NEK1: variants seen among roughly 807,000 people sequenced by gnomAD.
NEK1 encodes serine/threonine-protein kinase Nek1.
In NEK1, 137 loss-of-function variants were observed where a neutral mutation model predicts 182.1. The ratio of observed to expected loss-of-function variants is 0.75; its 90% CI spans 0.65 to 0.87. The LOEUF (loss-of-function observed/expected upper bound fraction) is 0.87. Ranked by LOEUF, NEK1 falls within the 40% of genes least tolerant of loss-of-function variation. The probability of loss-of-function intolerance (pLI) is 0.00; values close to 1 mark genes in which losing one functional copy is unlikely to be tolerated. For missense variants in NEK1, 1,391 were observed against 1,494.4 expected (o/e 0.93, Z 1.14); for synonymous variants, 513 against 492.2 (o/e 1.04, Z -0.56).
At chr4:169,460,869 A>G (rs1039000158) in intron 27 of NEK1, among the ~76,000 whole-genome samples, 35 of 152,310 alleles carry the variant, frequency 2.3e-4, no homozygotes, top group Admixed American at 5.9e-4. Flanking sequence ...AAATAAAGTC[A>G]TAAGACAAAC....
intron 24 of NEK1, among the ~76,000 whole-genome samples, chr4:169,478,019 T>A (rs1237360198): frequency 6.6e-6 from 1 of 151,870 alleles, no homozygotes; most frequent in Non-Finnish European, 1.5e-5. Flanking sequence ...AAACAAAGAG[T>A]GTAACAAAAA....
chr4:169,508,328 A>G lies in NEK1; in HGVS notation c.1753T>C (p.Tyr585His), dbSNP rs1247614593. 1 of 1,569,552 alleles carries G rather than the reference A, an allele frequency of 6.4e-7. No homozygotes were observed. Among genetic ancestry groups the G allele is most frequent in the Non-Finnish European group, 8.6e-7 (1 of 1,157,514 alleles). Residue 585 changes from tyrosine to histidine, a missense_variant, in exon 21 of 36, where the codon TAT becomes CAT. By Grantham distance (83) the Tyr-to-His change is moderately conservative. Coordinates refer to ENST00000507142, the MANE Select transcript of NEK1 (RefSeq NM_001199397.3). ...GKPRNKEEEV[Y>H]LARLRQIRLQ... ...CTTATTTGCCTCAGTCTTGCCAGAT[A>G]AACCTACAAGGAGGCAAAAACCCCA... is the stretch of plus-strand genomic sequence containing the variant.
chr4:169,529,112 G>A (rs141031957), intron 19 of NEK1, among the ~76,000 whole-genome samples: 2 of 152,234 alleles, frequency 1.3e-5, no homozygotes, highest in East Asian at 3.9e-4. Flanking sequence ...GTAGAATATG[G>A]CTACAGCAAC....
At chr4:169,472,427 G>A (rs1452683648) in intron 26 of NEK1, among the ~76,000 whole-genome samples, 4 of 152,090 alleles carry the variant, frequency 2.6e-5, no homozygotes, top group African/African-American at 9.7e-5. Flanking sequence ...GTGAGGCAAC[G>A]CCCCACCCTG....
intron 23 of NEK1, among the ~76,000 whole-genome samples, chr4:169,496,278 GC>G (rs1342553607): frequency 1.3e-5 from 2 of 152,074 alleles, no homozygotes; most frequent in Admixed American, 6.5e-5. Context: ...TGCTGAAGTT[GC>G]CTATCAGCTT....
At chr4:169,476,083 C>T (rs1396145458) in intron 26 of NEK1, among the ~76,000 whole-genome samples, 1 of 152,038 alleles carries the variant, frequency 6.6e-6, no homozygotes, top group Admixed American at 6.6e-5. Flanking sequence ...ACACAAGAAG[C>T]TCAATGAATC....
At chr4:169,573,741 GA>G (rs1392176638) in intron 12 of NEK1, among the ~76,000 whole-genome samples, 1 of 152,190 alleles carries the variant, frequency 6.6e-6, no homozygotes, top group East Asian at 1.9e-4. Context: ...GGTGATCAGG[GA>G]ACGGGATGAT....
At chr4:169,565,293 T>C (rs1218227130) in intron 12 of NEK1, among the ~76,000 whole-genome samples, 2 of 152,192 alleles carry the variant, frequency 1.3e-5, no homozygotes, top group Non-Finnish European at 2.9e-5. Flanking sequence ...ATATCTTCAC[T>C]ATATGTATAG....
intron 12 of NEK1, among the ~76,000 whole-genome samples, chr4:169,568,625 G>T (rs1764103832): frequency 1.3e-5 from 2 of 151,892 alleles, no homozygotes. Flanking sequence ...TAAAAATACG[G>T]GCAATATATA....
rs1326553948 is a variant in NEK1, at chr4:169,563,198, A to G, written c.1021-1002T>C. On this transcript the variant is annotated intron_variant, in intron 12 of 35. Transcript: ENST00000507142. ...AACATAGTGAGTCCCCATCTCTACA[A>G]AAAATTTTTAAAAATTAGCCAGGCA... is the stretch of plus-strand genomic sequence containing the variant. Among the ~76,000 whole-genome samples the G allele has an allele frequency of 2.0e-5, 3 of 151,978 alleles. No homozygotes were observed. The East Asian group carries it at 5.8e-4, about 29-fold the overall frequency.
intron 2 of NEK1, among the ~76,000 whole-genome samples, chr4:169,610,424 CTG>C (rs1427043840): frequency 6.6e-6 from 1 of 152,086 alleles, no homozygotes; most frequent in Non-Finnish European, 1.5e-5. Context: ...AGCAATTATC[CTG>C]TGTTAGCCTT....
At chr4:169,486,198 A>AT (rs1048985269) in intron 23 of NEK1, among the ~76,000 whole-genome samples, 4 of 151,840 alleles carry the variant, frequency 2.6e-5, no homozygotes, top group African/African-American at 9.7e-5. Context: ...TTTCTTAGCC[A>AT]TTTTTCTCAC....
At position 169,556,060 on chromosome 4, in the gene NEK1, T is replaced by C. The variant is rs899458057; in HGVS notation, c.1302A>G (p.Pro434=). 3.7e-6 allele frequency: 6 copies of C among 1,613,320 alleles called. No homozygotes were observed. The African/African-American group carries it at 8.0e-5, about 22-fold the overall frequency. Residue 434 remains proline (P), a synonymous_variant, in exon 17 of 36, where the codon CCA becomes CCG. Coordinates refer to ENST00000507142, the MANE Select transcript of NEK1 (RefSeq NM_001199397.3). ...PFLGSGGTIA[P]SSFSSRGQYE... is the part of the protein sequence containing the mutation. ...ACTGTCCTCGAGAAGAAAAAGATGA[T>C]GGAGCTATAGTCCCTCCACTGCCCA... is the stretch of plus-strand genomic sequence containing the variant.
intron 26 of NEK1, among the ~76,000 whole-genome samples, chr4:169,476,461 C>G (rs945195202): frequency 1.3e-5 from 2 of 151,874 alleles, no homozygotes; most frequent in Non-Finnish European, 2.9e-5. Flanking sequence ...TGGTAGGTAC[C>G]CAATAAAGAA....
intron 18 of NEK1, among the ~76,000 whole-genome samples, chr4:169,541,111 G>A (rs1759336668): frequency 6.6e-6 from 1 of 152,084 alleles, no homozygotes; most frequent in South Asian, 2.1e-4. Flanking sequence ...AAATAAAAAT[G>A]AGTAATGTGG....
At chr4:169,420,434 T>C (rs186305631) in intron 31 of NEK1, among the ~76,000 whole-genome samples, 3 of 152,310 alleles carry the variant, frequency 2.0e-5, no homozygotes, top group Admixed American at 6.5e-5. Context: ...CTGTACATAA[T>C]TGTATGTCCT....
At chr4:169,529,015 G>A (rs1365007391) in intron 19 of NEK1, among the ~76,000 whole-genome samples, 4 of 152,114 alleles carry the variant, frequency 2.6e-5, no homozygotes, top group African/African-American at 7.2e-5. Context: ...ATACTTTTAC[G>A]TAATCCATGG....
rs201587614 is a variant in NEK1, at chr4:169,577,052, G to A, written c.896C>T (p.Ser299Leu). The change falls in exon 12 of 36, where the codon TCG becomes TTG. Residue 299 changes from serine (S) to leucine (L), a missense_variant. Ser to Leu is a moderately radical substitution (Grantham distance 145, BLOSUM62 -2). Coordinates refer to ENST00000507142, the MANE Select transcript of NEK1 (RefSeq NM_001199397.3). ...PAKRPASGQNSISVMPAQKIT... is the reference protein window; with the variant it reads ...PAKRPASGQNLISVMPAQKIT... ...TTTCTGAGCAGGCATAACAGAAATCGAGTTTTGTCCTGAAGCTGGTCTTTT... is the reference window on the plus strand; with the variant it reads ...TTTCTGAGCAGGCATAACAGAAATCAAGTTTTGTCCTGAAGCTGGTCTTTT... 2.9e-5 allele frequency: 47 copies of A among 1,613,480 alleles called. No homozygotes were observed. The South Asian group carries it at 4.6e-4, about 16-fold the overall frequency.
In NEK1 at chr4:169,401,727, C is replaced by T. The variant is rs764248320; in HGVS notation, c.3508G>A (p.Ala1170Thr). ...TCATCTGCCACATCTGTCCCATTTG[C>T]AGTTGGCTCCACATCACTGTTCTTC... ...VLKNSDVEPTANGTDVADEDD... is the reference protein window; with the variant it reads ...VLKNSDVEPTTNGTDVADEDD... Residue 1170 changes from alanine to threonine, a missense_variant, in exon 33 of 36, where the codon GCA becomes ACA. This residue lies in a region of NEK1 where 1,216 missense variants were observed against 1,277.6 expected (regional missense o/e 0.95). Coordinates refer to ENST00000507142, the MANE Select transcript of NEK1 (RefSeq NM_001199397.3). 1.2e-6 allele frequency: 2 copies of T among 1,613,938 alleles called. No individual in the cohort carries two copies. Among genetic ancestry groups the T allele is most frequent in the South Asian group, 2.2e-5 (2 of 91,068 alleles).
Sources: gnomAD v4.1 joint callset for allele counts (sites outside exome capture counted in the v4.1 genomes callset) on GRCh38, gnomAD v4.1.1 for gene constraint, gnomAD v4.1.1 regional missense constraint, MANE v1.5 for transcripts, NCBI Gene and HGNC (gene_info 2026-07-23, HGNC 2026-07-21) for gene names.